Variants in PPP1R21 observed in about 807,000 individuals in gnomAD.
PPP1R21 encodes KLRAQ motif containing 1.
In PPP1R21, 85 loss-of-function variants were observed where a neutral mutation model predicts 112.8. That is an observed-to-expected ratio of 0.75 (90% CI 0.63 to 0.90). The LOEUF (loss-of-function observed/expected upper bound fraction) is 0.90. Ranked by LOEUF, PPP1R21 falls within the 40% of genes least tolerant of loss-of-function variation. The pLI is 0.00. For missense variants in PPP1R21, 1,199 were observed against 901.5 expected (o/e 1.33, Z -4.23); for synonymous variants, 381 against 322.3 (o/e 1.18, Z -1.95).
chr2:48,478,006 G>C (rs1329180049), intron 12 of PPP1R21, among the ~76,000 whole-genome samples: 2 of 152,198 alleles, frequency 1.3e-5, no homozygotes, highest in Non-Finnish European at 2.9e-5. Context: ...TTTCGAGACA[G>C]AGACACACAG....
chr2:48,484,053 G>A lies in PPP1R21; in HGVS notation c.1319-2578G>A, dbSNP rs146078906. 5.9e-4 allele frequency among the ~76,000 whole-genome samples: 90 copies of A among 152,124 alleles called. No individual in the cohort carries two copies. The East Asian group carries it at 0.016, about 27-fold the overall frequency. On this transcript the variant is annotated intron_variant, in intron 13 of 21. Coordinates refer to ENST00000294952, the MANE Select transcript of PPP1R21 (RefSeq NM_001135629.3). ...AGATTCCTTCAAAACAAACTTTGACGCCATAACAAAAATCATAGGCTGTGA... is the reference window on the plus strand; with the variant it reads ...AGATTCCTTCAAAACAAACTTTGACACCATAACAAAAATCATAGGCTGTGA...
At chr2:48,514,596 C>T (rs1670790742) in intron 21 of PPP1R21, 119 bp from the exon 22 acceptor site, 4 of 753,766 alleles carry the variant, frequency 5.3e-6, no homozygotes, top group East Asian at 2.6e-5. Context: ...AGCTATTCTC[C>T]TTTTTGGAAG....
intron 9 of PPP1R21, among the ~76,000 whole-genome samples, chr2:48,467,788 A>C (rs1006502020): frequency 6.6e-6 from 1 of 152,224 alleles, no homozygotes. Flanking sequence ...GTAGTACACA[A>C]AACCAAAAAT....
At position 48,450,885 on chromosome 2, in the gene PPP1R21, T is replaced by A. The variant is rs544110352; in HGVS notation, c.58-123T>A. The A allele has an allele frequency of 1.6e-5, 11 of 705,306 alleles. No homozygotes were observed. In the East Asian group the frequency reaches 2.9e-4, roughly 19 times the overall value. The allele number at this position is 705,306 out of a possible 1,614,324, so 43.7% of individuals were successfully genotyped here. ...CTTTGGGTCTAATACTTTTTTGTTC[T>A]CATATATATGTGAGAAGCTACTTAG... is the stretch of plus-strand genomic sequence containing the variant. On this transcript the variant is annotated intron_variant, in intron 1 of 21. Coordinates refer to ENST00000294952, the MANE Select transcript of PPP1R21 (RefSeq NM_001135629.3).
chr2:48,441,119 G>C (rs1211706442), intron 1 of PPP1R21, 109 bp downstream of exon 1: 1 of 761,020 alleles, frequency 1.3e-6, no homozygotes, highest in Admixed American at 2.2e-5. Flanking sequence ...ACGCGAGCGC[G>C]CCCCACCTTT....
Position 48,486,649 on chromosome 2 carries a change from G to A in PPP1R21, c.1337G>A (p.Ser446Asn). The A allele has an allele frequency of 6.2e-7, 1 of 1,611,312 alleles. No homozygotes were observed. The highest frequency in any genetic ancestry group is 8.5e-7 in the Non-Finnish European group (1 of 1,177,666). Residue 446 changes from serine (S) to asparagine (N), a missense_variant, in exon 14 of 22, where the codon AGT becomes AAT. Transcript: ENST00000294952. Reference sequence around the variant, plus strand: ...TTTATAGATATTTCCAAACATTATAGTCAAAAAGCTGCAATAGAGCATGAA... The same window carrying A: ...TTTATAGATATTTCCAAACATTATAATCAAAAAGCTGCAATAGAGCATGAA... ...DVMKDISKHY[S>N]QKAAIEHELP... is the part of the protein sequence containing the mutation.
chr2:48,476,519 G>A (rs544727871), intron 12 of PPP1R21, among the ~76,000 whole-genome samples: 2 of 152,288 alleles, frequency 1.3e-5, no homozygotes, highest in African/African-American at 4.8e-5. Context: ...TGTTTGAGGA[G>A]CTGCTGGAGT....
In PPP1R21 at chr2:48,440,832, C is replaced by CTGCGGT. The variant is rs1327773979; in HGVS notation, c.-122_-121insTGCGGT. On this transcript the variant is annotated 5_prime_UTR_variant, in exon 1 of 22. Transcript: ENST00000294952. ...GGAGGCGCGGCGGCGGCGGCGGCGG[C>CTGCGGT]GGCTGCGGTGGCCAAGCAGGCAGAT... 1.4e-6 allele frequency: 1 copy of CTGCGGT among 697,372 alleles called. No homozygotes were observed. Among genetic ancestry groups the CTGCGGT allele is most frequent in the Non-Finnish European group, 2.4e-6 (1 of 411,574 alleles). The allele number at this position is 697,372 out of a possible 1,614,324, so 43.2% of individuals were successfully genotyped here. A position where few individuals can be genotyped will look rare whatever the true frequency, so the allele number is the denominator to read the frequency against.
intron 7 of PPP1R21, among the ~76,000 whole-genome samples, chr2:48,461,984 C>G (rs1359995116): frequency 3.3e-5 from 5 of 152,144 alleles, no homozygotes; most frequent in Non-Finnish European, 1.5e-5. Context: ...CAGCCCATGT[C>G]ATTATTGTAT....
chr2:48,488,720 A>C (rs1338478093), intron 14 of PPP1R21, among the ~76,000 whole-genome samples: 5 of 152,238 alleles, frequency 3.3e-5, no homozygotes, highest in Non-Finnish European at 2.9e-5. Flanking sequence ...GAATTTTAAT[A>C]AATGGTTTTC....
At chr2:48,484,296 C>T (rs748022910) in intron 13 of PPP1R21, among the ~76,000 whole-genome samples, 7 of 151,998 alleles carry the variant, frequency 4.6e-5, no homozygotes, top group South Asian at 2.1e-4. Context: ...ATTTGGGGGT[C>T]GTGTTGCAAA....
At chr2:48,444,539 G>A (rs1224605592) in intron 1 of PPP1R21, among the ~76,000 whole-genome samples, 1 of 152,180 alleles carries the variant, frequency 6.6e-6, no homozygotes, top group African/African-American at 2.4e-5. Flanking sequence ...CTTTCTTTGC[G>A]GGAGCACTCT....
chr2:48,453,108 C>G lies in PPP1R21; in HGVS notation c.127-1487C>G, dbSNP rs552765053. On this transcript the variant is annotated intron_variant, in intron 2 of 21. Coordinates refer to ENST00000294952, the MANE Select transcript of PPP1R21 (RefSeq NM_001135629.3). ...CACTGGGATCACAGGCGTGCACCAC[C>G]CTGCCTGGCTAATTTTTGTATTTTT... Among the ~76,000 whole-genome samples, 53 of 152,214 alleles carry G rather than the reference C, an allele frequency of 3.5e-4. 1 individual carries two copies. Among genetic ancestry groups the G allele is most frequent in the South Asian group, 1.0e-3 (5 of 4,816 alleles).
At chr2:48,497,805 C>T (rs1669915221) in intron 16 of PPP1R21, among the ~76,000 whole-genome samples, 1 of 152,058 alleles carries the variant, frequency 6.6e-6, no homozygotes, top group Non-Finnish European at 1.5e-5. Context: ...GCGCCCGCCG[C>T]CACACCTGGC....
chr2:48,494,655 G>T (rs1669740205), intron 15 of PPP1R21, among the ~76,000 whole-genome samples: 1 of 151,210 alleles, frequency 6.6e-6, no homozygotes, highest in Admixed American at 6.6e-5. Flanking sequence ...ACCTTAGGAA[G>T]TCCACCCGCC....
At chr2:48,456,037 TAG>T (rs1667710184) in intron 3 of PPP1R21, among the ~76,000 whole-genome samples, 1 of 18,228 alleles carries the variant, frequency 5.5e-5, no homozygotes, top group Non-Finnish European at 1.0e-4. Context: ...AAAAAAAAAA[TAG>T]TAGCAGTTGA....
intron 13 of PPP1R21, among the ~76,000 whole-genome samples, chr2:48,481,400 C>T (rs1425183502): frequency 6.6e-6 from 1 of 152,206 alleles, no homozygotes; most frequent in East Asian, 1.9e-4. Flanking sequence ...CAACTCCAGT[C>T]CTGCAGAATT....
rs752811848 is a variant in PPP1R21, at chr2:48,458,248, A to C, written c.375+21A>C. On this transcript the variant is annotated intron_variant, in intron 4 of 21. Transcript: ENST00000294952. The stretch of plus-strand genomic sequence containing the variant: ...TACAAGTGAGAAAATCTGTTTTTCT[A>C]TGTGAATTAAAAAATGGGTCTGTGA... 300 of 1,525,484 alleles carry C rather than the reference A, an allele frequency of 2.0e-4. 1 individual carries two copies. In the Admixed American group the frequency reaches 5.0e-3, roughly 25 times the overall value. The allele number at this position is 1,525,484 out of a possible 1,614,324, so 94.5% of individuals were successfully genotyped here.
At chr2:48,487,520 C>T (rs1235981381) in intron 14 of PPP1R21, among the ~76,000 whole-genome samples, 1 of 151,944 alleles carries the variant, frequency 6.6e-6, no homozygotes, top group African/African-American at 2.4e-5. Context: ...CCCAGCACTT[C>T]GAGAGGCTGA....
Sources: gnomAD v4.1 joint callset for allele counts (sites outside exome capture counted in the v4.1 genomes callset) on GRCh38, gnomAD v4.1.1 for gene constraint, MANE v1.5 for transcripts, NCBI Gene and HGNC (gene_info 2026-07-23, HGNC 2026-07-21) for gene names.